Variants in PXDNL observed in about 807,000 individuals in gnomAD.
The protein encoded by PXDNL is probable oxidoreductase PXDNL.
In PXDNL, 145 loss-of-function variants were observed where a neutral mutation model predicts 150.8. The observed-to-expected ratio is 0.96, with a 90% CI of 0.84 to 1.10. PXDNL has a LOEUF of 1.10. Among genes scored for constraint, PXDNL ranks in the 50% least tolerant of loss-of-function variants. The pLI is 0.00. For missense variants in PXDNL, 2,087 were observed against 1,873.9 expected, an observed-to-expected ratio of 1.11 and a Z score of -2.10; for synonymous variants, 757 against 725.7, an observed-to-expected ratio of 1.04 and a Z score of -0.69.
chr8:51,746,580 C>A (rs1263061122), intron 1 of PXDNL, among the ~76,000 whole-genome samples: 2 of 152,046 alleles, frequency 1.3e-5, no homozygotes, highest in Non-Finnish European at 2.9e-5. Flanking sequence ...ACAGATAAGT[C>A]CCCCTCAAAA....
chr8:51,361,951 A>C, intron 19 of PXDNL, among the ~76,000 whole-genome samples: 1 of 147,572 alleles, frequency 6.8e-6, no homozygotes, highest in African/African-American at 2.6e-5. Context: ...AAAAAAAAAA[A>C]AAAAAAAAAA....
intron 12 of PXDNL, among the ~76,000 whole-genome samples, chr8:51,441,564 C>T (rs1054501600): frequency 1.3e-5 from 2 of 152,084 alleles, no homozygotes; most frequent in Non-Finnish European, 2.9e-5. Context: ...AAGTCAGTGC[C>T]AATTTATTTT....
chr8:51,669,753 G>A (rs190201740), intron 1 of PXDNL, among the ~76,000 whole-genome samples: 125 of 152,232 alleles, frequency 8.2e-4, no homozygotes, highest in Non-Finnish European at 1.3e-3. Context: ...TTCCCTGACC[G>A]CTGGAATCCA....
chr8:51,582,505 A>G (rs1007591771), intron 3 of PXDNL, among the ~76,000 whole-genome samples: 1 of 152,190 alleles, frequency 6.6e-6, no homozygotes, highest in Non-Finnish European at 1.5e-5. Flanking sequence ...TGTTGCACAC[A>G]AAAACACTTG....
chr8:51,480,474 G>T (rs979598435), intron 6 of PXDNL, among the ~76,000 whole-genome samples: 1 of 152,222 alleles, frequency 6.6e-6, no homozygotes, highest in East Asian at 1.9e-4. Context: ...CTCAATATTG[G>T]GAGGACAGCA....
At chr8:51,424,738 C>T (rs1437110700) in intron 13 of PXDNL, among the ~76,000 whole-genome samples, 1 of 152,128 alleles carries the variant, frequency 6.6e-6, no homozygotes, top group Non-Finnish European at 1.5e-5. Context: ...AAAAGACTCA[C>T]AGGAAACAGA....
chr8:51,706,612 A>C (rs1469358631), intron 1 of PXDNL, among the ~76,000 whole-genome samples: 1 of 152,220 alleles, frequency 6.6e-6, no homozygotes, highest in African/African-American at 2.4e-5. Flanking sequence ...TATGCAAATG[A>C]AGGAGTAACA....
intron 3 of PXDNL, among the ~76,000 whole-genome samples, chr8:51,558,150 A>T (rs1398043384): frequency 1.3e-5 from 2 of 152,110 alleles, no homozygotes; most frequent in Admixed American, 6.6e-5. Flanking sequence ...GATGTATGCA[A>T]ATCATAGTGT....
chr8:51,737,521 G>A (rs889118190), intron 1 of PXDNL, among the ~76,000 whole-genome samples: 2 of 152,196 alleles, frequency 1.3e-5, no homozygotes, highest in African/African-American at 4.8e-5. Flanking sequence ...CCCAGCCAGG[G>A]CCAAGCACTC....
chr8:51,746,023 T>A (rs2036980887), intron 1 of PXDNL, among the ~76,000 whole-genome samples: 1 of 152,190 alleles, frequency 6.6e-6, no homozygotes, highest in Admixed American at 6.5e-5. Flanking sequence ...CCTCCCAAAG[T>A]GCTGGGATTA....
intron 4 of PXDNL, among the ~76,000 whole-genome samples, chr8:51,528,719 A>G (rs931619361): frequency 1.3e-5 from 2 of 152,076 alleles, no homozygotes; most frequent in Non-Finnish European, 2.9e-5. Context: ...GACTCAGATC[A>G]TGGGAGGGAC....
chr8:51,473,446 T>C (rs76122557), intron 7 of PXDNL, among the ~76,000 whole-genome samples: 2,246 of 152,212 alleles, frequency 0.015, 61 homozygotes, highest in African/African-American at 0.049. Context: ...AGGCTTTCCA[T>C]GTAATTCATA....
chr8:51,750,151 A>G (rs1252693658), intron 1 of PXDNL, among the ~76,000 whole-genome samples: 5 of 152,196 alleles, frequency 3.3e-5, no homozygotes, highest in Non-Finnish European at 1.5e-5. Context: ...ACAGCTGTAC[A>G]AAAAAATTTT....
chr8:51,515,414 G>T (rs1189488294), intron 4 of PXDNL, among the ~76,000 whole-genome samples: 1 of 152,166 alleles, frequency 6.6e-6, no homozygotes, highest in Non-Finnish European at 1.5e-5. Flanking sequence ...CTGGGAAGCT[G>T]ACTTGGAAAC....
intron 19 of PXDNL, among the ~76,000 whole-genome samples, chr8:51,347,724 T>C (rs2915455): frequency 0.053 from 7,844 of 148,618 alleles, 294 homozygotes; most frequent in Non-Finnish European, 0.08. Context: ...ATTACTGTCA[T>C]GAGCCACCGC....
At position 51,762,461 on chromosome 8, in the gene PXDNL, C is replaced by T. The variant is rs142828459; in HGVS notation, c.164+46720G>A. Among the ~76,000 whole-genome samples the T allele has an allele frequency of 3.0e-3, 460 of 152,308 alleles. 1 individual carries two copies. Among genetic ancestry groups the T allele is most frequent in the Non-Finnish European group, 5.2e-3 (352 of 68,020 alleles). On this transcript the variant is annotated intron_variant, in intron 1 of 22. Coordinates refer to ENST00000356297, the MANE Select transcript of PXDNL (RefSeq NM_144651.5). ...AACAGTTCACAACCTGCTGCTCTCT[C>T]TGAAGTCTGCTATCTGAGAGCTTCC...
Position 51,502,013 on chromosome 8 carries a change from A to G in PXDNL, c.381-2243T>C, listed in dbSNP as rs189964361. ...GCCCAGGCCTGTAGAGTACAAATAG[A>G]CATTTTATGAAGACTAGGAATAAGT... On this transcript the variant is annotated intron_variant, in intron 4 of 22. Coordinates refer to ENST00000356297, the MANE Select transcript of PXDNL (RefSeq NM_144651.5). Among the ~76,000 whole-genome samples the G allele has an allele frequency of 2.7e-3, 412 of 152,356 alleles. 3 individuals are homozygous for G. Among genetic ancestry groups the G allele is most frequent in the African/African-American group, 9.5e-3 (397 of 41,584 alleles).
chr8:51,679,421 T>G (rs1372035973), intron 1 of PXDNL, among the ~76,000 whole-genome samples: 1 of 152,244 alleles, frequency 6.6e-6, no homozygotes, highest in Non-Finnish European at 1.5e-5. Context: ...AGGTCAGTCA[T>G]AGGTCTTGTG....
At position 51,469,621 on chromosome 8, in the gene PXDNL, G is replaced by T. The variant is rs1053233627; in HGVS notation, c.812+2566C>A. On this transcript the variant is annotated intron_variant, in intron 8 of 22. Transcript: ENST00000356297. ...CCCTAAATCCAGGTCCTCTCCAGGG[G>T]AGTAGAAAAGGATAATGATAATGAA... Among the ~76,000 whole-genome samples, 3 of 152,008 alleles carry T rather than the reference G, an allele frequency of 2.0e-5. No homozygotes were observed. In the East Asian group the frequency reaches 5.8e-4, roughly 29 times the overall value.
Sources: allele counts gnomAD v4.1 joint callset (sites outside exome capture counted in the v4.1 genomes callset), GRCh38; gene constraint gnomAD v4.1.1; transcripts MANE v1.5; gene names NCBI Gene and HGNC (gene_info 2026-07-23, HGNC 2026-07-21).